The following PTPDC1 variants were observed in gnomAD, a reference collection of about 807,000 sequenced individuals.
PTPDC1 encodes protein tyrosine phosphatase domain containing 1.
A neutral mutation model predicts 75.3 loss-of-function variants in PTPDC1; 53 were observed. That is an observed-to-expected ratio of 0.70 (90% CI 0.56 to 0.88). The LOEUF is 0.88. Among genes scored for constraint, PTPDC1 ranks in the 40% least tolerant of loss-of-function variants. The probability of loss-of-function intolerance (pLI) is 0.00; values close to 1 mark genes in which losing one functional copy is unlikely to be tolerated. For synonymous variants in PTPDC1, 349 were observed against 366.2 expected (o/e 0.95, Z 0.54); for missense variants, 925 against 998.6 (o/e 0.93, Z 0.99).
rs1229819465 is a variant in PTPDC1, at chr9:94,093,726, A to C, written c.617-1591A>C. 3.6e-4 allele frequency among the ~76,000 whole-genome samples: 52 copies of C among 144,882 alleles called. 1 individual carries two copies. In the Middle Eastern group the frequency reaches 0.01, roughly 29 times the overall value. On this transcript the variant is annotated intron_variant, in intron 4 of 8. Coordinates refer to ENST00000620992, the MANE Select transcript of PTPDC1 (RefSeq NM_001253829.2). ...CACATCACTTTCAGGTACACCAATCAGACGTAGATTTGGTCTTTTCACATA... is the reference window on the plus strand; with the variant it reads ...CACATCACTTTCAGGTACACCAATCCGACGTAGATTTGGTCTTTTCACATA...
chr9:94,036,014 G>A (rs548304221), intron 1 of PTPDC1, among the ~76,000 whole-genome samples: 12 of 147,590 alleles, frequency 8.1e-5, no homozygotes, highest in Non-Finnish European at 1.3e-4. Flanking sequence ...ATTTTTAATC[G>A]GATTATTTGT....
chr9:94,067,643 C>G (rs1020133884), intron 2 of PTPDC1, among the ~76,000 whole-genome samples: 4 of 151,842 alleles, frequency 2.6e-5, no homozygotes, highest in African/African-American at 9.7e-5. Flanking sequence ...TTTTTGTCTC[C>G]CAGGCTGGAG....
intron 6 of PTPDC1, 121 bp from the exon 7 acceptor site, chr9:94,101,445 T>C (rs1827836850): frequency 4.4e-6 from 3 of 686,914 alleles, no homozygotes; most frequent in Non-Finnish European, 7.2e-6. Flanking sequence ...TTCTGCACTC[T>C]GGAGCCTGAG....
In PTPDC1 at chr9:94,097,754, T is replaced by C. The variant is rs747906531; in HGVS notation, c.1188T>C (p.Asp396=). The C allele has an allele frequency of 6.2e-7, 1 of 1,614,176 alleles. No homozygotes were observed. Among genetic ancestry groups the C allele is most frequent in the South Asian group, 1.1e-5 (1 of 91,080 alleles). ...AAGAGTTACTGAGGCATGACAGTGA[T>C]GTGTCCAACCCGCCTAACCCCACTG... The part of the protein sequence containing the change: ...LDKELLRHDS[D]VSNPPNPTAV... Residue 396 remains aspartate (D), a synonymous_variant, in exon 6 of 9, where the codon GAT becomes GAC. Transcript: ENST00000620992.
intron 4 of PTPDC1, among the ~76,000 whole-genome samples, chr9:94,091,518 C>T (rs953280225): frequency 7.9e-5 from 12 of 152,240 alleles, no homozygotes; most frequent in African/African-American, 2.9e-4. Flanking sequence ...CATCAATGTT[C>T]ATCAAGGATA....
chr9:94,068,076 T>A (rs983064081), intron 2 of PTPDC1, among the ~76,000 whole-genome samples: 21 of 152,298 alleles, frequency 1.4e-4, no homozygotes, highest in African/African-American at 5.1e-4. Flanking sequence ...GTCAGATTTT[T>A]TTTAATTAAC....
intron 1 of PTPDC1, among the ~76,000 whole-genome samples, chr9:94,050,917 C>T (rs1011256179): frequency 1.6e-4 from 24 of 152,000 alleles, no homozygotes; most frequent in Admixed American, 2.6e-4. Flanking sequence ...CAATGGCGGG[C>T]GCCCCTCCCC....
chr9:94,044,726 C>CTTTT (rs71511684), intron 1 of PTPDC1, among the ~76,000 whole-genome samples: 2,261 of 147,354 alleles, frequency 0.015, 47 homozygotes, highest in East Asian at 0.071. Flanking sequence ...ATACCTTTCT[C>CTTTT]TTTTTTTTTT....
At chr9:94,061,656 G>A (rs1826142880) in intron 1 of PTPDC1, among the ~76,000 whole-genome samples, 4 of 152,228 alleles carry the variant, frequency 2.6e-5, no homozygotes, top group South Asian at 4.1e-4. Flanking sequence ...AGACACCAAG[G>A]CTTACGGCCT....
In PTPDC1 at chr9:94,084,621, G is replaced by C. The variant is rs771471621; in HGVS notation, c.91G>C (p.Val31Leu). The C allele has an allele frequency of 3.1e-6, 5 of 1,613,586 alleles. No individual in the cohort carries two copies. The highest frequency in any genetic ancestry group is 2.2e-5 in the East Asian group (1 of 44,844). Residue 31 changes from valine (V) to leucine (L), a missense_variant, in exon 1 of 9, where the codon GTA (valine) becomes CTA (leucine). By Grantham distance (32) the Val-to-Leu change is conservative. Coordinates refer to ENST00000620992, the MANE Select transcript of PTPDC1 (RefSeq NM_001253829.2). Reference sequence around the variant, plus strand: ...CCGCCGGCACTCCACCTCAGACCCAGTACTGCGGCTGCAGCAGGCCCGGCG... The same window carrying C: ...CCGCCGGCACTCCACCTCAGACCCACTACTGCGGCTGCAGCAGGCCCGGCG... ...QGRRHSTSDPVLRLQQARRGS... is the reference protein window; with the variant it reads ...QGRRHSTSDPLLRLQQARRGS...
At chr9:94,070,012 G>A (rs1332668515) in intron 2 of PTPDC1, among the ~76,000 whole-genome samples, 1 of 151,180 alleles carries the variant, frequency 6.6e-6, no homozygotes, top group African/African-American at 2.4e-5. Context: ...TTCTAGTAGA[G>A]ATGGGGTTTC....
chr9:94,056,020 G>C (rs1447847091), intron 1 of PTPDC1, among the ~76,000 whole-genome samples: 1 of 152,108 alleles, frequency 6.6e-6, no homozygotes, highest in African/African-American at 2.4e-5. Context: ...TTACCACTCT[G>C]TTGGGGAGTC....
intron 6 of PTPDC1, among the ~76,000 whole-genome samples, chr9:94,098,836 T>C (rs987178857): frequency 2.6e-5 from 4 of 152,228 alleles, no homozygotes; most frequent in Non-Finnish European, 5.9e-5. Flanking sequence ...AAGGCATTGA[T>C]ATTAGTAGTT....
chr9:94,038,922 T>C lies in PTPDC1; in HGVS notation c.-7+7795T>C, dbSNP rs572777737. Among the ~76,000 whole-genome samples, 21 of 152,362 alleles carry C rather than the reference T, an allele frequency of 1.4e-4. No individual in the cohort carries two copies. In the South Asian group the frequency reaches 3.3e-3, roughly 24 times the overall value. ...ATTTTAGTGTGGTTTGTGTGTAATA[T>C]CAAAGATCATTTAACACTTTTAAAA... On this transcript the variant is annotated intron_variant, in intron 1 of 9. Coordinates refer to the PTPDC1 transcript ENST00000375360.
At chr9:94,034,519 G>A (rs10993035) in intron 1 of PTPDC1, among the ~76,000 whole-genome samples, 24,759 of 152,098 alleles carry the variant, frequency 0.16, 2,392 homozygotes, top group East Asian at 0.28. Context: ...ACAATAGAGT[G>A]AGACTCTGTC....
At chr9:94,062,118 G>A (rs554209159) in intron 1 of PTPDC1, among the ~76,000 whole-genome samples, 10 of 152,248 alleles carry the variant, frequency 6.6e-5, no homozygotes, top group African/African-American at 2.4e-4. Context: ...ATGTTTTGCT[G>A]CTTAGAAATT....
At chr9:94,070,978 A>G (rs901015778) in intron 2 of PTPDC1, among the ~76,000 whole-genome samples, 3 of 152,314 alleles carry the variant, frequency 2.0e-5, no homozygotes, top group East Asian at 1.9e-4. Context: ...GTAAACATTC[A>G]TGTACAGATT....
At chr9:94,069,239 T>A (rs62574601) in intron 2 of PTPDC1, among the ~76,000 whole-genome samples, 3,667 of 152,254 alleles carry the variant, frequency 0.024, 84 homozygotes, top group Middle Eastern at 0.048. Flanking sequence ...TTTTTACGGG[T>A]ACAGTCATCC....
chr9:94,063,237 A>G (rs1472732383), intron 1 of PTPDC1, among the ~76,000 whole-genome samples: 2 of 152,248 alleles, frequency 1.3e-5, no homozygotes. Flanking sequence ...CAGCTGCTCC[A>G]AAATTCCATG....
Sources: gnomAD v4.1 joint callset for allele counts (sites outside exome capture counted in the v4.1 genomes callset) on GRCh38, gnomAD v4.1.1 for gene constraint, MANE v1.5 for transcripts, NCBI Gene and HGNC (gene_info 2026-07-23, HGNC 2026-07-21) for gene names.